Variants in TTC27 observed in about 807,000 individuals in gnomAD.
TTC27 encodes tetratricopeptide repeat domain 27, also known as tetratricopeptide repeat protein 27.
In TTC27, 79 loss-of-function variants were observed where a neutral mutation model predicts 115.9. The observed-to-expected ratio is 0.68, with a 90% CI of 0.57 to 0.82. The LOEUF (loss-of-function observed/expected upper bound fraction) is 0.82. Ranked by LOEUF, TTC27 falls within the 40% of genes least tolerant of loss-of-function variation. TTC27 has a pLI of 0.00. For synonymous variants in TTC27, 401 were observed against 356.0 expected (o/e 1.13, Z -1.42); for missense variants, 1,054 against 993.1 (o/e 1.06, Z -0.82).
At chr2:32,649,730 G>C (rs553240091) in intron 4 of TTC27, among the ~76,000 whole-genome samples, 14 of 152,072 alleles carry the variant, frequency 9.2e-5, no homozygotes, top group Non-Finnish European at 7.4e-5. Context: ...ATTTTTAATA[G>C]AGGCAGGGTT....
chr2:32,670,284 G>A (rs1484895746), intron 7 of TTC27, among the ~76,000 whole-genome samples: 2 of 152,132 alleles, frequency 1.3e-5, no homozygotes, highest in East Asian at 1.9e-4. Flanking sequence ...AAAATATACC[G>A]ATTTTAAATT....
chr2:32,797,329 G>A (rs1558348890), intron 16 of TTC27, among the ~76,000 whole-genome samples: 1 of 151,678 alleles, frequency 6.6e-6, no homozygotes. Flanking sequence ...ACAGGAGCAT[G>A]CCACCACATC....
intron 12 of TTC27, among the ~76,000 whole-genome samples, chr2:32,754,499 T>A (rs2147988369): frequency 6.7e-6 from 1 of 149,584 alleles, no homozygotes; most frequent in Admixed American, 6.6e-5. Context: ...GGCAGAAGAA[T>A]TTTTCTTAGT....
intron 10 of TTC27, among the ~76,000 whole-genome samples, chr2:32,728,707 A>G (rs1227486655): frequency 6.6e-6 from 1 of 152,184 alleles, no homozygotes; most frequent in Non-Finnish European, 1.5e-5. Flanking sequence ...ACTTTGGGCA[A>G]GTCATTTTTA....
chr2:32,812,524 G>C lies in TTC27; in HGVS notation c.2217G>C (p.Lys739Asn). ...ENEKAFQCLSKAYKCDTQSNC... is the reference protein window; with the variant it reads ...ENEKAFQCLSNAYKCDTQSNC... ...CTCAGGCATTCCAGTGCCTCTCAAA[G>C]GCATACAAGTGTGACACCCAGTCCA... The change falls in exon 18 of 20, where the codon AAG becomes AAC. Residue 739 changes from lysine (K) to asparagine (N), a missense_variant. By Grantham distance (94) the Lys-to-Asn change is moderately conservative. Transcript: ENST00000317907. 6.2e-7 allele frequency: 1 copy of C among 1,613,752 alleles called. No homozygotes were observed. The highest frequency in any genetic ancestry group is 1.3e-5 in the African/African-American group (1 of 75,028).
rs1206531834 is a variant in TTC27 at position 32,628,272 on chromosome 2, G to T, written c.-21G>T. The T allele has an allele frequency of 1.3e-6, 2 of 1,595,246 alleles. No individual in the cohort carries two copies. Among genetic ancestry groups the T allele is most frequent in the South Asian group, 2.3e-5 (2 of 87,450 alleles). ...GTGGCCCTCGTGGGAGCCTGTTTTG[G>T]CTGCAGCGGTGTCTGGGGTGATGTG... On this transcript the variant is annotated 5_prime_UTR_variant, in exon 1 of 20. Transcript: ENST00000317907.
At chr2:32,673,703 A>C (rs1161726541) in intron 8 of TTC27, among the ~76,000 whole-genome samples, 1 of 152,140 alleles carries the variant, frequency 6.6e-6, no homozygotes, top group Non-Finnish European at 1.5e-5. Context: ...TTTGTAATTA[A>C]CATTTTATTG....
intron 8 of TTC27, among the ~76,000 whole-genome samples, chr2:32,673,573 A>G (rs79774866): frequency 0.012 from 1,774 of 152,252 alleles, 40 homozygotes; most frequent in African/African-American, 0.041. Flanking sequence ...AAGTTTTGTT[A>G]TTCTCATTGC....
At chr2:32,721,951 G>A (rs1191603378) in intron 10 of TTC27, among the ~76,000 whole-genome samples, 1 of 152,184 alleles carries the variant, frequency 6.6e-6, no homozygotes. Context: ...GGGTGGGGAT[G>A]GCTGTCAAGC....
At chr2:32,694,266 A>C (rs1011204039) in intron 9 of TTC27, among the ~76,000 whole-genome samples, 5 of 152,234 alleles carry the variant, frequency 3.3e-5, no homozygotes, top group Non-Finnish European at 7.3e-5. Flanking sequence ...GGGAGAAATA[A>C]ATAATTGAAA....
At chr2:32,810,576 A>G (rs1300758013) in intron 16 of TTC27, among the ~76,000 whole-genome samples, 1 of 152,138 alleles carries the variant, frequency 6.6e-6, no homozygotes, top group Non-Finnish European at 1.5e-5. Context: ...TTCACTTTGG[A>G]TAGATGGAGA....
intron 10 of TTC27, among the ~76,000 whole-genome samples, chr2:32,708,301 C>CTTCTTTTTTTTTTTTTTTTTTTTTT (rs1159740039): frequency 1.2e-5 from 1 of 80,260 alleles, no homozygotes; most frequent in Non-Finnish European, 2.5e-5. Context: ...TTTTCTCTAC[C>CTTCTTTTTTTTTTTTTTTTTTTTTT]TTGTTTTTTT....
At chr2:32,678,978 C>T in intron 9 of TTC27, 56 bp downstream of exon 9, 1 of 1,456,406 alleles carries the variant, frequency 6.9e-7, no homozygotes, top group Non-Finnish European at 9.6e-7. Flanking sequence ...ATTACTTCCT[C>T]TGGTATGGTC....
chr2:32,728,133 C>T (rs191701113), intron 10 of TTC27, among the ~76,000 whole-genome samples: 13 of 151,086 alleles, frequency 8.6e-5, no homozygotes, highest in Middle Eastern at 3.4e-3. Context: ...CTCCACCTCC[C>T]GGGTTCACAC....
chr2:32,639,875 G>A (rs1017542061), intron 3 of TTC27, among the ~76,000 whole-genome samples: 3 of 152,108 alleles, frequency 2.0e-5, no homozygotes, highest in African/African-American at 4.8e-5. Context: ...GTGGTGGTGC[G>A]TGCCTGGAGT....
Position 32,811,176 on chromosome 2 carries a change from C to A in TTC27, c.2151C>A (p.His717Gln), listed in dbSNP as rs191393726. 2 of 1,613,910 alleles carry A rather than the reference C, an allele frequency of 1.2e-6. No homozygotes were observed. The highest frequency in any genetic ancestry group is 2.7e-5 in the African/African-American group (2 of 74,880). The change falls in exon 17 of 20, where the codon CAC becomes CAA. Residue 717 changes from histidine (H) to glutamine (Q), a missense_variant. Physicochemically the swap from His to Gln is conservative, Grantham distance 24. Transcript: ENST00000317907. ...GAGAAATCTGGAGGCTGTATGCCCA[C>A]GTATATGGAAATGGGCAGAGTGAAA... Reference protein sequence around the residue: ...NDGEIWRLYAHVYGNGQSEKP... With the variant: ...NDGEIWRLYAQVYGNGQSEKP...
rs550334471 is a variant in TTC27, at chr2:32,769,400, T to C, written c.1681-8482T>C. On this transcript the variant is annotated intron_variant, in intron 13 of 19. Coordinates refer to ENST00000317907, the MANE Select transcript of TTC27 (RefSeq NM_017735.5). ...ATTCAGGAGAGTAAAGGGTGAGTGA[T>C]AGATGAAGAAATGGAGATAGAATCT... 3.3e-5 allele frequency among the ~76,000 whole-genome samples: 5 copies of C among 152,250 alleles called. No individual in the cohort carries two copies. In the East Asian group the frequency reaches 9.7e-4, roughly 29 times the overall value.
intron 9 of TTC27, among the ~76,000 whole-genome samples, chr2:32,681,974 A>G (rs28595250): frequency 3.2e-5 from 2 of 62,322 alleles, no homozygotes; most frequent in African/African-American, 4.9e-5. Context: ...ATATATATGT[A>G]TATATATGTG....
At chr2:32,767,231 TTGAG>T (rs927933789) in intron 13 of TTC27, among the ~76,000 whole-genome samples, 1 of 152,164 alleles carries the variant, frequency 6.6e-6, no homozygotes, top group African/African-American at 2.4e-5. Flanking sequence ...AAACTTTTGA[TTGAG>T]TTTCTGATTT....
Sources: allele counts gnomAD v4.1 joint callset (sites outside exome capture counted in the v4.1 genomes callset), GRCh38; gene constraint gnomAD v4.1.1; transcripts MANE v1.5; gene names NCBI Gene and HGNC (gene_info 2026-07-23, HGNC 2026-07-21).